Variants in SLC16A7 observed in about 807,000 individuals in gnomAD.
SLC16A7 encodes monocarboxylate transporter 2.
Under a neutral mutation model 34.9 loss-of-function variants are expected in SLC16A7, and 33 were observed. The ratio of observed to expected loss-of-function variants is 0.94; its 90% CI spans 0.72 to 1.26. The LOEUF is 1.26. Ranked by LOEUF, SLC16A7 falls within the 50% of genes most tolerant of loss-of-function variation. The probability of loss-of-function intolerance (pLI) is 0.00; values close to 1 mark genes in which losing one functional copy is unlikely to be tolerated. For synonymous variants in SLC16A7, 201 were observed against 206.6 expected, an observed-to-expected ratio of 0.97 and a Z score of 0.23; for missense variants, 573 against 578.1, an observed-to-expected ratio of 0.99 and a Z score of 0.09.
intron 1 of SLC16A7, among the ~76,000 whole-genome samples, chr12:59,635,498 T>C (rs1165591317): frequency 6.6e-6 from 1 of 152,088 alleles, no homozygotes; most frequent in Non-Finnish European, 1.5e-5. Flanking sequence ...AAATATCCTT[T>C]ACTTTACTAA....
chr12:59,614,996 C>A (rs1879380512), intron 1 of SLC16A7, among the ~76,000 whole-genome samples: 1 of 151,066 alleles, frequency 6.6e-6, no homozygotes, highest in African/African-American at 2.4e-5. Flanking sequence ...GAGCAAGGAT[C>A]CATCTCAAAA....
rs1192882336 is a variant in SLC16A7 at position 59,656,727 on chromosome 12, G to C, written c.-31+1477G>C. Among the ~76,000 whole-genome samples, 4 of 151,954 alleles carry C rather than the reference G, an allele frequency of 2.6e-5. No homozygotes were observed. In the South Asian group the frequency reaches 8.3e-4, roughly 31 times the overall value. ...TAGAAACAGCGGTTTATGCCAAGAG[G>C]TTATTAGGTCAGTCATAGGGGTATT... On this transcript the variant is annotated intron_variant, in intron 2 of 5. Coordinates refer to ENST00000547379, the MANE Select transcript of SLC16A7 (RefSeq NM_001270623.2).
intron 1 of SLC16A7, among the ~76,000 whole-genome samples, chr12:59,645,512 G>T (rs118100191): frequency 0.068 from 10,366 of 152,178 alleles, 419 homozygotes; most frequent in Middle Eastern, 0.11. Context: ...GGATGTGTTT[G>T]CTTCCCCTTC....
intron 2 of SLC16A7, among the ~76,000 whole-genome samples, chr12:59,673,733 C>A (rs1013288165): frequency 6.6e-6 from 1 of 152,104 alleles, no homozygotes; most frequent in African/African-American, 2.4e-5. Context: ...ATGTTCAATT[C>A]TGTGTATCAG....
intron 1 of SLC16A7, among the ~76,000 whole-genome samples, chr12:59,605,750 A>G (rs1332312645): frequency 1.3e-5 from 2 of 152,220 alleles, no homozygotes; most frequent in African/African-American, 4.8e-5. Flanking sequence ...CATCTTCTCT[A>G]TGTAGCCAGT....
At chr12:59,715,370 C>T (rs1874775675) in intron 3 of SLC16A7, among the ~76,000 whole-genome samples, 1 of 152,090 alleles carries the variant, frequency 6.6e-6, no homozygotes, top group Admixed American at 6.5e-5. Context: ...TAATTTATTC[C>T]TGAATTAAGC....
intron 3 of SLC16A7, among the ~76,000 whole-genome samples, chr12:59,733,481 G>A (rs1001388782): frequency 1.3e-5 from 2 of 152,158 alleles, no homozygotes; most frequent in African/African-American, 4.8e-5. Flanking sequence ...GCTGGACCGG[G>A]CATACCACAA....
At chr12:59,642,687 T>C (rs947589139) in intron 1 of SLC16A7, among the ~76,000 whole-genome samples, 1 of 152,080 alleles carries the variant, frequency 6.6e-6, no homozygotes, top group Non-Finnish European at 1.5e-5. Flanking sequence ...GTGATAGTAG[T>C]CAAAGTTATA....
intron 2 of SLC16A7, among the ~76,000 whole-genome samples, chr12:59,673,638 C>T (rs1870074653): frequency 6.6e-6 from 1 of 152,036 alleles, no homozygotes; most frequent in Admixed American, 6.6e-5. Context: ...AGGACGTTAA[C>T]AAAGATGAAT....
intron 1 of SLC16A7, among the ~76,000 whole-genome samples, chr12:59,629,967 A>G (rs1796450186): frequency 6.6e-6 from 1 of 151,932 alleles, no homozygotes; most frequent in African/African-American, 2.4e-5. Context: ...TTGAAGAAAG[A>G]CACCATTTTT....
rs1212738828 is a variant in SLC16A7 at position 59,775,332 on chromosome 12, T to A, written c.1037T>A (p.Phe346Tyr). The change falls in exon 5 of 6, where the codon TTT (phenylalanine) becomes TAT (tyrosine). Residue 346 changes from phenylalanine (F) to tyrosine (Y), a missense_variant. Transcript: ENST00000547379. ...DYTSLVLYAV[F>Y]FGLGFGSVSS... ...ACAAGCCTGGTATTATATGCTGTAT[T>A]TTTTGGCCTTGGATTTGGGAGTGTT... 2 of 1,614,024 alleles carry A rather than the reference T, an allele frequency of 1.2e-6. No individual in the cohort carries two copies. Among genetic ancestry groups the A allele is most frequent in the Admixed American group, 3.3e-5 (2 of 59,992 alleles).
At chr12:59,715,060 G>A (rs147617375) in intron 3 of SLC16A7, among the ~76,000 whole-genome samples, 5 of 152,140 alleles carry the variant, frequency 3.3e-5, no homozygotes, top group African/African-American at 1.2e-4. Context: ...ATAACTCTGA[G>A]TACTCTCCTC....
At chr12:59,745,671 C>G (rs2711658) in intron 3 of SLC16A7, among the ~76,000 whole-genome samples, 18,665 of 152,058 alleles carry the variant, frequency 0.12, 1,499 homozygotes, top group African/African-American at 0.22. Context: ...CATAAAAAAG[C>G]AGATATTCTT....
intron 2 of SLC16A7, among the ~76,000 whole-genome samples, chr12:59,704,392 A>G (rs945701641): frequency 6.6e-6 from 1 of 152,074 alleles, no homozygotes; most frequent in African/African-American, 2.4e-5. Flanking sequence ...AATGAGACCA[A>G]AAGTATCAAT....
intron 2 of SLC16A7, among the ~76,000 whole-genome samples, chr12:59,657,086 G>A (rs1868575657): frequency 6.6e-6 from 1 of 151,822 alleles, no homozygotes; most frequent in South Asian, 2.1e-4. Context: ...CTAATTAAGT[G>A]GTAGCTATTA....
intron 2 of SLC16A7, among the ~76,000 whole-genome samples, chr12:59,684,274 C>A (rs761972621): frequency 2.0e-5 from 3 of 152,054 alleles, no homozygotes; most frequent in Non-Finnish European, 2.9e-5. Flanking sequence ...TTACTGACAC[C>A]AAATCCTTTA....
intron 3 of SLC16A7, chr12:59,733,759 A>C: frequency 2.2e-6 from 1 of 456,078 alleles, no homozygotes; most frequent in South Asian, 1.5e-5. Context: ...AATGAAGCAC[A>C]TGGACAACCG....
intron 1 of SLC16A7, among the ~76,000 whole-genome samples, chr12:59,653,192 ATGT>A (rs941960327): frequency 4.0e-5 from 6 of 151,824 alleles, no homozygotes; most frequent in Non-Finnish European, 5.9e-5. Context: ...TAATATTCTA[ATGT>A]TGTAGAGAAA....
At chr12:59,648,364 G>C (rs1467179119) in intron 1 of SLC16A7, among the ~76,000 whole-genome samples, 1 of 152,120 alleles carries the variant, frequency 6.6e-6, no homozygotes, top group Non-Finnish European at 1.5e-5. Context: ...AGGCATGAGG[G>C]ACTTGAGATT....
Sources: gnomAD v4.1 joint callset for allele counts (sites outside exome capture counted in the v4.1 genomes callset) on GRCh38, gnomAD v4.1.1 for gene constraint, MANE v1.5 for transcripts, NCBI Gene and HGNC (gene_info 2026-07-23, HGNC 2026-07-21) for gene names.